ALG11: variants seen among roughly 807,000 people sequenced by gnomAD.
ALG11 encodes ALG11 alpha-1,2-mannosyltransferase.
Under a neutral mutation model 38.8 loss-of-function variants are expected in ALG11, and 26 were observed. That is an observed-to-expected ratio of 0.67 (90% confidence interval 0.49 to 0.93). The LOEUF (loss-of-function observed/expected upper bound fraction) is 0.93. Ranked by LOEUF, ALG11 falls within the 40% of genes least tolerant of loss-of-function variation. The pLI is 0.00. For missense variants in ALG11, 535 were observed against 578.8 expected (o/e 0.92, Z 0.78); for synonymous variants, 199 against 211.6 (o/e 0.94, Z 0.52).
chr13:52,027,037 T>C (rs986530620), intron 3 of ALG11, among the ~76,000 whole-genome samples: 15 of 151,284 alleles, frequency 9.9e-5, no homozygotes, highest in African/African-American at 3.7e-4. Context: ...GAAGAGAGTG[T>C]TTGGAGAAGA....
In ALG11 at chr13:52,029,577, G is replaced by C. The variant is rs1355665659; in HGVS notation, c.*987G>C. The C allele has an allele frequency of 1.2e-6, 2 of 1,614,082 alleles. No individual in the cohort carries two copies. The highest frequency in any genetic ancestry group is 1.7e-6 in the Non-Finnish European group (2 of 1,180,048). On this transcript the variant is annotated 3_prime_UTR_variant, in exon 4 of 4. Coordinates refer to ENST00000521508, the MANE Select transcript of ALG11 (RefSeq NM_001004127.3). ...AAGTATCACAAAGTCGTGAAGAAAG[G>C]AAAGGCCAAGAAAGCCTTAAAAGAG... is the stretch of plus-strand genomic sequence containing the variant.
Position 52,028,312 on chromosome 13 carries a change from T to C in ALG11, c.1208-7T>C, listed in dbSNP as rs2140846961. On this transcript the variant is annotated splice_region_variant and splice_polypyrimidine_tract_variant and intron_variant, in intron 3 of 3. Transcript: ENST00000521508. Reference sequence around the variant, plus strand: ...AAAGATTACATGATTTGTGTTTTTTTTCTCAGGAGTTGTGGAGTGTATGGC... The same window carrying C: ...AAAGATTACATGATTTGTGTTTTTTCTCTCAGGAGTTGTGGAGTGTATGGC... 6.2e-7 allele frequency: 1 copy of C among 1,614,208 alleles called. No homozygotes were observed.
intron 1 of ALG11, among the ~76,000 whole-genome samples, chr13:52,018,513 A>G (rs1954153985): frequency 6.6e-6 from 1 of 152,248 alleles, no homozygotes; most frequent in Admixed American, 6.5e-5. Flanking sequence ...TTGATCGTTC[A>G]AAAGACATAT....
At position 52,028,434 on chromosome 13, in the gene ALG11, T is replaced by C. The variant is rs1954263113; in HGVS notation, c.1323T>C (p.Ser441=). The C allele has an allele frequency of 1.2e-6, 2 of 1,614,112 alleles. No homozygotes were observed. Among genetic ancestry groups the C allele is most frequent in the Non-Finnish European group, 1.7e-6 (2 of 1,180,018 alleles). The part of the protein sequence containing the change: ...EGDITGFLAE[S]EEDYAETIAH... ...ATATAACTGGCTTTCTGGCTGAGAG[T>C]GAAGAAGACTATGCTGAAACTATCG... The change falls in exon 4 of 4, where the codon AGT becomes AGC. Residue 441 remains serine, a synonymous_variant. Transcript: ENST00000521508.
At chr13:52,020,182 G>T (rs932262171) in intron 2 of ALG11, among the ~76,000 whole-genome samples, 6 of 152,126 alleles carry the variant, frequency 3.9e-5, no homozygotes, top group African/African-American at 1.2e-4. Context: ...CAGCTGGATA[G>T]TCTCAACTTA....
chr13:52,021,923 T>C (rs1954187333), intron 2 of ALG11: 1 of 152,222 alleles, frequency 6.6e-6, no homozygotes, highest in African/African-American at 2.4e-5. Flanking sequence ...AGACAGGAAG[T>C]AGGAGCTGCC....
At chr13:52,026,238 G>A (rs970376670) in intron 3 of ALG11, among the ~76,000 whole-genome samples, 11 of 152,228 alleles carry the variant, frequency 7.2e-5, no homozygotes, top group Non-Finnish European at 1.6e-4. Flanking sequence ...ATAGAGGTTA[G>A]CCAGGAGAGA....
In ALG11 at chr13:52,024,754, A is replaced by G. The variant is rs778692507; in HGVS notation, c.1024A>G (p.Ile342Val). The change falls in exon 3 of 4, where the codon ATT becomes GTT. Residue 342 changes from isoleucine (I) to valine (V), a missense_variant. Coordinates refer to ENST00000521508, the MANE Select transcript of ALG11 (RefSeq NM_001004127.3). ...ACCTCCTTCGCTTAAACTTGTCCTC[A>G]TTGGAGGTTGTCGTAACAAAGATGA... ...ESPPSLKLVLIGGCRNKDDEL... is the reference protein window; with the variant it reads ...ESPPSLKLVLVGGCRNKDDEL... The G allele has an allele frequency of 2.5e-6, 4 of 1,614,238 alleles. No individual in the cohort carries two copies. The highest frequency in any genetic ancestry group is 2.2e-5 in the East Asian group (1 of 44,884).
chr13:52,023,868 C>T lies in ALG11; in HGVS notation c.276-138C>T, dbSNP rs1456688518. ...GGAGTTCGGTGGCATGATCACGGCT[C>T]ACTGCAACCTCCGCCTCCTGGGTTC... On this transcript the variant is annotated intron_variant, in intron 2 of 3. Transcript: ENST00000521508. 1.5e-5 allele frequency: 9 copies of T among 602,986 alleles called. No individual in the cohort carries two copies. In the East Asian group the frequency reaches 2.4e-4, roughly 16 times the overall value. 37.4% of individuals were successfully genotyped at this position (602,986 alleles called of 1,614,324 possible). A position where few individuals can be genotyped will look rare whatever the true frequency, so the allele number is the denominator to read the frequency against.
At position 52,033,560 on chromosome 13, in the gene ALG11, A is replaced by AGAAAC. The variant is rs1470231220; in HGVS notation, c.*4971_*4975dup. 3 of 167,054 alleles carry AGAAAC rather than the reference A, an allele frequency of 1.8e-5. No homozygotes were observed. Among genetic ancestry groups the AGAAAC allele is most frequent in the Non-Finnish European group, 4.4e-5 (3 of 68,118 alleles). The allele number at this position is 167,054 out of a possible 1,614,324, so 10.3% of individuals were successfully genotyped here. A position where few individuals can be genotyped will look rare whatever the true frequency, so the allele number is the denominator to read the frequency against. On this transcript the variant is annotated 3_prime_UTR_variant, in exon 4 of 4. Coordinates refer to ENST00000521508, the MANE Select transcript of ALG11 (RefSeq NM_001004127.3). ...CCAAGCTCCATATGCCAATTAAAGAAGAAACAAAAATAAAAGTTTGTCTTG... is the reference window on the plus strand; with the variant it reads ...CCAAGCTCCATATGCCAATTAAAGAAGAAACGAAACAAAAATAAAAGTTTGTCTTG...
chr13:52,027,360 A>G (rs1257147899), intron 3 of ALG11, among the ~76,000 whole-genome samples: 2 of 152,146 alleles, frequency 1.3e-5, no homozygotes, highest in Non-Finnish European at 2.9e-5. Context: ...AGAGAGGGAA[A>G]GGGTAAAAGA....
In ALG11 at chr13:52,012,427, C is replaced by G; in HGVS notation, c.9C>G (p.Ala3=). The change falls in exon 1 of 4, where the codon GCC becomes GCG. Residue 3 remains alanine, a synonymous_variant. Transcript: ENST00000521508. MA[A]GERSWCLCKL... is the part of the protein sequence containing the mutation. ...TCGGGGGTCGGCGGAAGATGGCGGC[C>G]GGCGAAAGGAGCTGGTGCCTGTGCA... 6.2e-7 allele frequency: 1 copy of G among 1,614,068 alleles called. No homozygotes were observed. The highest frequency in any genetic ancestry group is 8.5e-7 in the Non-Finnish European group (1 of 1,180,016).
rs1384423097 is a variant in ALG11, at chr13:52,029,029, C to G, written c.*439C>G. On this transcript the variant is annotated 3_prime_UTR_variant, in exon 4 of 4. Transcript: ENST00000521508. ...GTCTGAAAGTGTCAGAGTTCAGTGT[C>G]AGTTCTGAAGGATCAGGAGAAAAGC... 6.2e-7 allele frequency: 1 copy of G among 1,614,246 alleles called. No individual in the cohort carries two copies. Among genetic ancestry groups the G allele is most frequent in the Non-Finnish European group, 8.5e-7 (1 of 1,180,050 alleles).
intron 1 of ALG11, 58 bp downstream of exon 1, chr13:52,012,520 C>G (rs1298921399): frequency 6.2e-7 from 1 of 1,612,208 alleles, no homozygotes; most frequent in Non-Finnish European, 8.5e-7. Flanking sequence ...GGTACTTGCC[C>G]GTCCAGTGTA....
rs781704785 is a variant in ALG11 at position 52,029,429 on chromosome 13, G to C, written c.*839G>C. On this transcript the variant is annotated 3_prime_UTR_variant, in exon 4 of 4. Coordinates refer to ENST00000521508, the MANE Select transcript of ALG11 (RefSeq NM_001004127.3). ...TCCTTTACTGACTCCCATGGAAAAG[G>C]CCTCTCTCCAAGCCATGAGCCTGGA... 1 of 1,614,136 alleles carries C rather than the reference G, an allele frequency of 6.2e-7. No homozygotes were observed. The highest frequency in any genetic ancestry group is 8.5e-7 in the Non-Finnish European group (1 of 1,180,026).
At chr13:52,018,862 T>C in intron 1 of ALG11, 51 bp from the exon 2 acceptor site, 1 of 1,480,596 alleles carries the variant, frequency 6.8e-7, no homozygotes, top group East Asian at 2.3e-5. Flanking sequence ...AATTTGTAAT[T>C]TTTTTAATGT....
rs138017942 is a variant in ALG11 at position 52,018,301 on chromosome 13, A to G, written c.45-612A>G. On this transcript the variant is annotated intron_variant, in intron 1 of 3. Transcript: ENST00000521508. ...GAGTTTACTAATGAGTATTAAGTAGAACATTAGTGGGTTTTTGGCAGCTCA... is the reference window on the plus strand; with the variant it reads ...GAGTTTACTAATGAGTATTAAGTAGGACATTAGTGGGTTTTTGGCAGCTCA... Among the ~76,000 whole-genome samples, 5 of 152,328 alleles carry G rather than the reference A, an allele frequency of 3.3e-5. No individual in the cohort carries two copies. In the East Asian group the frequency reaches 7.7e-4, roughly 23 times the overall value.
At chr13:52,025,987 G>A (rs1037809697) in intron 3 of ALG11, among the ~76,000 whole-genome samples, 1 of 152,188 alleles carries the variant, frequency 6.6e-6, no homozygotes, top group African/African-American at 2.4e-5. Flanking sequence ...TGAGCGCTTG[G>A]GTGGATGCTA....
chr13:52,030,958 C>T lies in ALG11; in HGVS notation c.*2368C>T, dbSNP rs1267886655. ...GGGCTTTCCAAAAGCTGACTACTCC[C>T]AAGGTCGTCACCAAGCCAGGCCATA... On this transcript the variant is annotated 3_prime_UTR_variant, in exon 4 of 4. Coordinates refer to ENST00000521508, the MANE Select transcript of ALG11 (RefSeq NM_001004127.3). 1.1e-5 allele frequency: 17 copies of T among 1,614,060 alleles called. No homozygotes were observed. Among genetic ancestry groups the T allele is most frequent in the Non-Finnish European group, 1.4e-5 (16 of 1,180,034 alleles).
Sources: gnomAD v4.1 joint callset for allele counts (sites outside exome capture counted in the v4.1 genomes callset) on GRCh38, gnomAD v4.1.1 for gene constraint, MANE v1.5 for transcripts, NCBI Gene and HGNC (gene_info 2026-07-23, HGNC 2026-07-21) for gene names.